Variants in PCLAF observed in about 807,000 individuals in gnomAD.
PCLAF encodes the protein PCNA-associated factor.
In PCLAF, 12 loss-of-function variants were observed where a neutral mutation model predicts 15.1. The ratio of observed to expected loss-of-function variants is 0.79; its 90% CI spans 0.51 to 1.29. The LOEUF (loss-of-function observed/expected upper bound fraction) is 1.29. PCLAF is among the 50% of genes most tolerant of loss of function. The probability of loss-of-function intolerance (pLI) is 0.00; values close to 1 mark genes in which losing one functional copy is unlikely to be tolerated. For synonymous variants in PCLAF, 33 were observed against 47.1 expected, an observed-to-expected ratio of 0.70 and a Z score of 1.22; for missense variants, 116 against 130.9, an observed-to-expected ratio of 0.89 and a Z score of 0.56.
At chr15:64,378,998 T>C (rs767121914) in intron 2 of PCLAF, among the ~76,000 whole-genome samples, 9 of 152,090 alleles carry the variant, frequency 5.9e-5, no homozygotes, top group South Asian at 2.1e-4. Flanking sequence ...TATAACCAGA[T>C]ATTAAATTTC....
chr15:64,365,734 A>C lies in PCLAF; in HGVS notation c.*296T>G, dbSNP rs1160637648. Reference sequence around the variant, plus strand: ...AACAATCTAAGCAAATCTCAAATACAACATACTTGTAATTAGAACACAATG... The same window carrying C: ...AACAATCTAAGCAAATCTCAAATACCACATACTTGTAATTAGAACACAATG... On this transcript the variant is annotated 3_prime_UTR_variant, in exon 4 of 4. Transcript: ENST00000300035. 3.0e-6 allele frequency: 1 copy of C among 336,278 alleles called. No individual in the cohort carries two copies. The highest frequency in any genetic ancestry group is 5.4e-6 in the Non-Finnish European group (1 of 185,276). 20.8% of individuals were successfully genotyped at this position (336,278 alleles called of 1,614,324 possible). A position where few individuals can be genotyped will look rare whatever the true frequency, so the allele number is the denominator to read the frequency against.
chr15:64,386,986 T>C (rs1353043995), intron 1 of PCLAF, among the ~76,000 whole-genome samples: 1 of 152,144 alleles, frequency 6.6e-6, no homozygotes, highest in Non-Finnish European at 1.5e-5. Flanking sequence ...AGCCCTTAAA[T>C]ACTGTCATTT....
intron 2 of PCLAF, among the ~76,000 whole-genome samples, chr15:64,377,499 A>T (rs1443675456): frequency 2.7e-5 from 1 of 36,832 alleles, no homozygotes; most frequent in African/African-American, 1.1e-4. Flanking sequence ...ATATATATAT[A>T]TATATATATA....
chr15:64,376,933 A>G (rs934613179), intron 2 of PCLAF, 28 bp from the exon 3 acceptor site: 6 of 1,567,944 alleles, frequency 3.8e-6, no homozygotes, highest in South Asian at 2.3e-5. Context: ...ATGGAACTAG[A>G]TAAGTGCTAA....
intron 3 of PCLAF, among the ~76,000 whole-genome samples, chr15:64,368,588 T>C (rs1899148105): frequency 6.6e-6 from 1 of 152,168 alleles, no homozygotes; most frequent in Non-Finnish European, 1.5e-5. Context: ...TGGGAATAAC[T>C]ATATTCCATA....
chr15:64,375,773 C>A (rs1400087278), intron 3 of PCLAF, among the ~76,000 whole-genome samples: 2 of 152,000 alleles, frequency 1.3e-5, no homozygotes, highest in Admixed American at 1.3e-4. Context: ...TATAAGCCAA[C>A]AAGGAAATTG....
intron 3 of PCLAF, chr15:64,373,154 A>T (rs1480294541): frequency 6.6e-6 from 1 of 152,224 alleles, no homozygotes; most frequent in African/African-American, 2.4e-5. Flanking sequence ...TTTTTCTATT[A>T]CCTAATCATT....
chr15:64,377,942 T>G (rs901753278), intron 2 of PCLAF, among the ~76,000 whole-genome samples: 5 of 147,916 alleles, frequency 3.4e-5, no homozygotes, highest in African/African-American at 1.2e-4. Flanking sequence ...TTTGTTTTTT[T>G]GGGGGGGAGA....
At chr15:64,386,421 A>G (rs1368180672), upstream of PCLAF, among the ~76,000 whole-genome samples, 1 of 152,292 alleles carries the variant, frequency 6.6e-6, no homozygotes, top group East Asian at 1.9e-4. Context: ...TCCAGGCCCA[A>G]GTGATCCTCC....
At chr15:64,386,635 T>A (rs1899945110) in intron 1 of PCLAF, among the ~76,000 whole-genome samples, 1 of 151,918 alleles carries the variant, frequency 6.6e-6, no homozygotes, top group South Asian at 2.1e-4. Context: ...TGTGTGTGTG[T>A]GTGTGTGTGT....
Position 64,373,717 on chromosome 15 carries a change from G to A in PCLAF, c.290+3026C>T, listed in dbSNP as rs144033490. ...CCTTACCCATTTGGATCAGTGTGCC[G>A]TGTGTCCAGCTTGCTGCTCAGTGTG... On this transcript the variant is annotated intron_variant, in intron 3 of 3. Coordinates refer to ENST00000300035, the MANE Select transcript of PCLAF (RefSeq NM_014736.6). 857 of 1,535,786 alleles carry A rather than the reference G, an allele frequency of 5.6e-4. 5 individuals carry two copies. The African/African-American group carries it at 0.01, about 18-fold the overall frequency.
In PCLAF at chr15:64,380,795, C is replaced by T. The variant is rs116286195; in HGVS notation, c.127+163G>A. Among the ~76,000 whole-genome samples the T allele has an allele frequency of 9.1e-3, 1,380 of 152,236 alleles. 20 individuals carry two copies. Among genetic ancestry groups the T allele is most frequent in the African/African-American group, 0.031 (1,295 of 41,552 alleles). ...AAATTCCCTTCCATGAGACCTCCCC[C>T]CCACCTCTACCCTAGCCGGCCAAAA... On this transcript the variant is annotated intron_variant, in intron 2 of 3. Transcript: ENST00000300035.
intron 2 of PCLAF, among the ~76,000 whole-genome samples, chr15:64,377,488 AATATATATATATATATATATATATATAT>A (rs1166593614): frequency 3.4e-5 from 1 of 29,320 alleles, no homozygotes; most frequent in Admixed American, 6.2e-4. Context: ...AAAAAAAAAA[AATATATATATATATATATATATATATAT>A]ATATATATAT....
At chr15:64,374,846 CAAA>C (rs372818602) in intron 3 of PCLAF, among the ~76,000 whole-genome samples, 3 of 39,958 alleles carry the variant, frequency 7.5e-5, no homozygotes, top group Non-Finnish European at 5.9e-5. Context: ...ACCCCCATAT[CAAA>C]AAAAAAAAAA....
intron 2 of PCLAF, among the ~76,000 whole-genome samples, chr15:64,378,118 G>T (rs1276605972): frequency 1.3e-5 from 2 of 152,066 alleles, no homozygotes; most frequent in East Asian, 1.9e-4. Flanking sequence ...TTTTAGTAGA[G>T]ACAGGGTTTC....
upstream of PCLAF, among the ~76,000 whole-genome samples, chr15:64,383,607 T>C (rs1899878486): frequency 2.6e-5 from 4 of 152,136 alleles, no homozygotes; most frequent in South Asian, 8.3e-4. Context: ...CCTCAAGTGA[T>C]CTGCCTGCCT....
At chr15:64,381,624 G>A (rs938805495), upstream of PCLAF, 1 of 1,069,578 alleles carries the variant, frequency 9.3e-7, no homozygotes, top group African/African-American at 1.6e-5. Context: ...AAAGGCCTAG[G>A]ATTCGTAGGC....
exon 1 of PCLAF, chr15:64,387,665 G>C: frequency 7.1e-7 from 1 of 1,412,292 alleles, no homozygotes. Flanking sequence ...CTCGACTCCG[G>C]AGGGCACAAG....
At position 64,366,886 on chromosome 15, in the gene PCLAF, T is replaced by TC. The variant is rs545213067; in HGVS notation, c.291-812dup. Among the ~76,000 whole-genome samples the TC allele has an allele frequency of 1.0e-3, 158 of 151,946 alleles. 2 individuals are homozygous for TC. The South Asian group carries it at 0.032, about 30-fold the overall frequency. ...TACTTGGGAGGCTAAGGCAGGAGAA[T>TC]CGCTTGAGCATGGTGGGTGGAGCTT... On this transcript the variant is annotated intron_variant, in intron 3 of 3. Transcript: ENST00000300035.
Sources: gnomAD v4.1 joint callset for allele counts (sites outside exome capture counted in the v4.1 genomes callset) on GRCh38, gnomAD v4.1.1 for gene constraint, MANE v1.5 for transcripts, NCBI Gene and HGNC (gene_info 2026-07-23, HGNC 2026-07-21) for gene names.